PIK3AP1: variants seen among roughly 807,000 people sequenced by gnomAD.
The protein encoded by PIK3AP1 is phosphoinositide-3-kinase adaptor protein 1.
PIK3AP1 carries 21 observed loss-of-function variants against 88.1 expected under a neutral mutation model. The ratio of observed to expected loss-of-function variants is 0.24; its 90% CI spans 0.17 to 0.34. The LOEUF is 0.34. Among genes scored for constraint, PIK3AP1 ranks in the 10% least tolerant of loss-of-function variants. The probability of loss-of-function intolerance (pLI) is 1.00; values close to 1 mark genes in which losing one functional copy is unlikely to be tolerated. For synonymous variants in PIK3AP1, 398 were observed against 400.0 expected (o/e 1.00, Z 0.06); for missense variants, 828 against 1,035.7 (o/e 0.80, Z 2.75).
intron 2 of PIK3AP1, among the ~76,000 whole-genome samples, chr10:96,695,339 A>G (rs2134277819): frequency 6.6e-6 from 1 of 152,376 alleles, no homozygotes; most frequent in Middle Eastern, 3.4e-3. Flanking sequence ...TCTATCTGCT[A>G]GTTATGATGA....
chr10:96,713,667 A>C (rs1844467418), intron 1 of PIK3AP1, among the ~76,000 whole-genome samples: 1 of 152,132 alleles, frequency 6.6e-6, no homozygotes, highest in Non-Finnish European at 1.5e-5. Flanking sequence ...ACAGCTTTAC[A>C]CTGTTCTAAA....
At chr10:96,678,874 A>G (rs1843961026) in intron 2 of PIK3AP1, among the ~76,000 whole-genome samples, 1 of 152,218 alleles carries the variant, frequency 6.6e-6, no homozygotes, top group Non-Finnish European at 1.5e-5. Flanking sequence ...AAGTAGAGAC[A>G]CAGACCCCTG....
At chr10:96,702,414 G>A (rs1030726437) in intron 2 of PIK3AP1, among the ~76,000 whole-genome samples, 8 of 151,262 alleles carry the variant, frequency 5.3e-5, no homozygotes, top group Non-Finnish European at 1.0e-4. Flanking sequence ...CAGGAGAATC[G>A]CTTGAACCGT....
intron 8 of PIK3AP1, among the ~76,000 whole-genome samples, chr10:96,635,964 T>C (rs867866130): frequency 1.5e-4 from 23 of 151,276 alleles, no homozygotes; most frequent in Admixed American, 1.3e-4. Context: ...TCCCAGCACT[T>C]TGGGAGGCCG....
At chr10:96,700,646 C>G (rs1844285195) in intron 2 of PIK3AP1, among the ~76,000 whole-genome samples, 1 of 152,142 alleles carries the variant, frequency 6.6e-6, no homozygotes, top group Non-Finnish European at 1.5e-5. Flanking sequence ...TGCAGAGTGG[C>G]TTAACCCACA....
chr10:96,712,041 ACCGCACCCGG>A (rs1844446368), intron 1 of PIK3AP1, among the ~76,000 whole-genome samples: 1 of 152,020 alleles, frequency 6.6e-6, no homozygotes, highest in African/African-American at 2.4e-5. Flanking sequence ...GGCGTGAGCC[ACCGCACCCGG>A]CCATATTACC....
At chr10:96,715,925 A>G (rs141825055) in intron 1 of PIK3AP1, among the ~76,000 whole-genome samples, 2,094 of 151,952 alleles carry the variant, frequency 0.014, 33 homozygotes, top group African/African-American at 0.036. Flanking sequence ...TGAAATAAAG[A>G]GCACTTAAAT....
At chr10:96,663,360 T>C (rs1589523989) in intron 2 of PIK3AP1, among the ~76,000 whole-genome samples, 1 of 152,032 alleles carries the variant, frequency 6.6e-6, no homozygotes, top group Non-Finnish European at 1.5e-5. Flanking sequence ...CTGGGCGCGG[T>C]GGCTCATACC....
Position 96,609,834 on chromosome 10 carries a change from T to C in PIK3AP1, c.2048A>G (p.Gln683Arg), listed in dbSNP as rs780217600. 1 of 1,614,140 alleles carries C rather than the reference T, an allele frequency of 6.2e-7. No homozygotes were observed. The highest frequency in any genetic ancestry group is 1.7e-5 in the Admixed American group (1 of 60,016). ...AAACTCCACTTTTGCAGGCAGGTGCTGTGAGTGCCGAATTGGGACCGTGAT... is the reference window on the plus strand; with the variant it reads ...AAACTCCACTTTTGCAGGCAGGTGCCGTGAGTGCCGAATTGGGACCGTGAT... Reference protein sequence around the residue: ...LEITVPIRHSQHLPAKVEFGV... With the variant: ...LEITVPIRHSRHLPAKVEFGV... The change falls in exon 14 of 17, where the codon CAG becomes CGG. Residue 683 changes from glutamine (Q) to arginine (R), a missense_variant. Physicochemically the swap from Gln to Arg is conservative, Grantham distance 43 (BLOSUM62 1). Transcript: ENST00000339364.
intron 7 of PIK3AP1, among the ~76,000 whole-genome samples, 199 bp from the exon 8 acceptor site, chr10:96,645,861 C>T (rs1016608549): frequency 4.6e-5 from 7 of 152,160 alleles, no homozygotes; most frequent in African/African-American, 1.4e-4. Flanking sequence ...GTTTATTTCA[C>T]GTTTTTGTTT....
intron 2 of PIK3AP1, among the ~76,000 whole-genome samples, chr10:96,671,949 G>A (rs1022227929): frequency 4.6e-5 from 7 of 152,064 alleles, no homozygotes; most frequent in Non-Finnish European, 1.0e-4. Flanking sequence ...GAAGTGGGAG[G>A]CTCACCTGAG....
intron 8 of PIK3AP1, among the ~76,000 whole-genome samples, chr10:96,645,139 G>C (rs575958847): frequency 6.6e-6 from 1 of 152,288 alleles, no homozygotes; most frequent in South Asian, 2.1e-4. Context: ...CCTCATGTCA[G>C]AGTAGGAAAA....
intron 8 of PIK3AP1, among the ~76,000 whole-genome samples, chr10:96,643,717 C>A (rs1031990817): frequency 2.6e-5 from 4 of 152,230 alleles, no homozygotes; most frequent in Admixed American, 1.3e-4. Context: ...CTCTGACCAA[C>A]CTATGCCTTC....
Position 96,653,078 on chromosome 10 carries a change from T to G in PIK3AP1, c.568-236A>C, listed in dbSNP as rs560851089. ...CAATTGGATGGAGTCATTTTATGTC[T>G]GTTGAAGCTGATAATAATAATAACA... On this transcript the variant is annotated intron_variant, in intron 3 of 16. Coordinates refer to ENST00000339364, the MANE Select transcript of PIK3AP1 (RefSeq NM_152309.3). 4.6e-5 allele frequency among the ~76,000 whole-genome samples: 7 copies of G among 152,058 alleles called. No homozygotes were observed. In the East Asian group the frequency reaches 7.7e-4, roughly 17 times the overall value.
intron 14 of PIK3AP1, among the ~76,000 whole-genome samples, chr10:96,606,987 A>T (rs1168671572): frequency 6.6e-6 from 1 of 152,256 alleles, no homozygotes; most frequent in East Asian, 1.9e-4. Flanking sequence ...GGAGGTCAAC[A>T]GCCTTTCTGT....
chr10:96,617,822 C>A (rs1346436218), intron 12 of PIK3AP1, among the ~76,000 whole-genome samples: 1 of 152,136 alleles, frequency 6.6e-6, no homozygotes, highest in Non-Finnish European at 1.5e-5. Flanking sequence ...AGGAAAGCGG[C>A]CTTGAGGGAT....
chr10:96,657,617 CTG>C (rs1843632221), intron 2 of PIK3AP1, among the ~76,000 whole-genome samples: 1 of 151,928 alleles, frequency 6.6e-6, no homozygotes, highest in South Asian at 2.1e-4. Flanking sequence ...TAACCAGAAT[CTG>C]TTAATTGATA....
chr10:96,619,803 G>A (rs140718320), intron 12 of PIK3AP1, among the ~76,000 whole-genome samples: 383 of 152,322 alleles, frequency 2.5e-3, no homozygotes, highest in South Asian at 8.7e-3. Flanking sequence ...GCCCGAAGTG[G>A]CCGTTTCCAG....
intron 2 of PIK3AP1, among the ~76,000 whole-genome samples, chr10:96,704,646 G>A (rs1487982539): frequency 6.6e-6 from 1 of 151,830 alleles, no homozygotes; most frequent in African/African-American, 2.4e-5. Context: ...CGAACCCAGG[G>A]AGGCAGAGGT....
Sources: allele counts gnomAD v4.1 joint callset (sites outside exome capture counted in the v4.1 genomes callset), GRCh38; gene constraint gnomAD v4.1.1; transcripts MANE v1.5; gene names NCBI Gene and HGNC (gene_info 2026-07-23, HGNC 2026-07-21).